ANKFN1: variants seen among roughly 807,000 people sequenced by gnomAD.
The protein encoded by ANKFN1 is ankyrin repeat and fibronectin type-III domain-containing protein 1.
A neutral mutation model predicts 108.7 loss-of-function variants in ANKFN1; 74 were observed. The ratio of observed to expected loss-of-function variants is 0.68; its 90% confidence interval spans 0.56 to 0.83. The LOEUF (loss-of-function observed/expected upper bound fraction) is 0.83. ANKFN1 is among the 40% of genes least tolerant of loss of function. The probability of loss-of-function intolerance (pLI) is 0.00; values close to 1 mark genes in which losing one functional copy is unlikely to be tolerated. For synonymous variants in ANKFN1, 547 were observed against 516.2 expected (o/e 1.06, Z -0.81); for missense variants, 1,505 against 1,382.3 (o/e 1.09, Z -1.41).
chr17:56,162,349 C>G (rs1555603138), intron 1 of ANKFN1, among the ~76,000 whole-genome samples: 1 of 152,186 alleles, frequency 6.6e-6, no homozygotes, highest in Non-Finnish European at 1.5e-5. Flanking sequence ...GCTGGAAGCC[C>G]AAGATCAAGG....
intron 4 of ANKFN1, among the ~76,000 whole-genome samples, chr17:56,345,600 T>C (rs2046077411): frequency 6.6e-6 from 1 of 152,238 alleles, no homozygotes; most frequent in Non-Finnish European, 1.5e-5. Context: ...TGGCATGAGA[T>C]GGTATGTCAT....
rs747550211 is a variant in ANKFN1 at position 56,482,489 on chromosome 17, G to A, written c.2225G>A (p.Gly742Glu). 1.9e-6 allele frequency: 3 copies of A among 1,612,496 alleles called. No homozygotes were observed. Among genetic ancestry groups the A allele is most frequent in the Non-Finnish European group, 2.5e-6 (3 of 1,179,242 alleles). Reference protein sequence around the residue: ...GQNNPYTPHSGFLNLPLQMFE... With the variant: ...GQNNPYTPHSEFLNLPLQMFE... ...AATAATCCTTACACCCCACACTCAG[G>A]GTTTCTTAACCTCCCTCTTCAGATG... The change falls in exon 18 of 21, where the codon GGG (glycine) becomes GAG (glutamate). Residue 742 changes from glycine to glutamate, a missense_variant. Coordinates refer to ENST00000682825, the MANE Select transcript of ANKFN1 (RefSeq NM_001370326.1).
At chr17:56,080,419 C>T (rs1905231726) in intron 4 of ANKFN1, among the ~76,000 whole-genome samples, 1 of 152,118 alleles carries the variant, frequency 6.6e-6, no homozygotes, top group African/African-American at 2.4e-5. Context: ...ATGGCTAATC[C>T]ACAAGATTCA....
chr17:56,096,475 C>A (rs899044019), intron 4 of ANKFN1, among the ~76,000 whole-genome samples: 40 of 152,062 alleles, frequency 2.6e-4, no homozygotes, highest in African/African-American at 9.4e-4. Context: ...TGCTTTTATG[C>A]AAAGGAACTC....
rs1011107671 is a variant in ANKFN1 at position 56,445,001 on chromosome 17, T to TAG, written c.1099+2068_1099+2069insAG. 4.8e-4 allele frequency among the ~76,000 whole-genome samples: 73 copies of TAG among 152,316 alleles called. 1 individual carries two copies. Among genetic ancestry groups the TAG allele is most frequent in the Non-Finnish European group, 2.8e-4 (19 of 68,028 alleles). On this transcript the variant is annotated intron_variant, in intron 10 of 20. Coordinates refer to ENST00000682825, the MANE Select transcript of ANKFN1 (RefSeq NM_001370326.1). ...CCACCGATGCCTGAGATCCCTAAGG[T>TAG]CCCTGACTCTCCTGGCATTTGATGA... is the stretch of plus-strand genomic sequence containing the variant.
chr17:56,390,211 T>C (rs1249569583), intron 8 of ANKFN1, among the ~76,000 whole-genome samples: 2 of 151,700 alleles, frequency 1.3e-5, no homozygotes, highest in Admixed American at 6.6e-5. Flanking sequence ...CCCCACCCCT[T>C]GACAGACCCC....
intron 3 of ANKFN1, among the ~76,000 whole-genome samples, chr17:56,278,536 G>A (rs549204586): frequency 3.5e-4 from 54 of 152,266 alleles, no homozygotes; most frequent in African/African-American, 1.3e-3. Flanking sequence ...AGTCCAAGCA[G>A]GACAGCTTTA....
At chr17:56,344,454 A>G (rs1404343820) in intron 4 of ANKFN1, among the ~76,000 whole-genome samples, 1 of 151,972 alleles carries the variant, frequency 6.6e-6, no homozygotes, top group African/African-American at 2.4e-5. Context: ...ATACCACCTT[A>G]GTCTTCACTT....
intron 8 of ANKFN1, among the ~76,000 whole-genome samples, chr17:56,433,621 A>G (rs1007804502): frequency 4.6e-5 from 7 of 152,166 alleles, no homozygotes; most frequent in Non-Finnish European, 1.0e-4. Context: ...AGTGGAAGCT[A>G]AAGCTATGAG....
At chr17:56,386,521 G>A (rs549857304) in intron 8 of ANKFN1, among the ~76,000 whole-genome samples, 50 of 148,228 alleles carry the variant, frequency 3.4e-4, no homozygotes, top group Non-Finnish European at 6.8e-4. Context: ...TTAATTGGCT[G>A]CTTTACTAAA....
chr17:56,126,848 T>G (rs551077113), intron 4 of ANKFN1, among the ~76,000 whole-genome samples: 1 of 152,324 alleles, frequency 6.6e-6, no homozygotes, highest in African/African-American at 2.4e-5. Context: ...CCACCCTCAT[T>G]ACTAGATATT....
chr17:56,176,566 G>T (rs1911178235), intron 1 of ANKFN1, among the ~76,000 whole-genome samples: 1 of 152,168 alleles, frequency 6.6e-6, no homozygotes, highest in Non-Finnish European at 1.5e-5. Flanking sequence ...TGGTCACTAT[G>T]TCAAAGTCTG....
chr17:56,281,387 T>G lies in ANKFN1; in HGVS notation c.54-44834T>G, dbSNP rs567196206. ...GAAAAAAAGAATCTCAACCCCTATC[T>G]CATACAAAAATTAATTTTATATGGA... On this transcript the variant is annotated intron_variant, in intron 3 of 20. Transcript: ENST00000682825. 4.6e-5 allele frequency among the ~76,000 whole-genome samples: 7 copies of G among 152,256 alleles called. 1 individual carries two copies. In the South Asian group the frequency reaches 8.3e-4, roughly 18 times the overall value.
intron 4 of ANKFN1, among the ~76,000 whole-genome samples, chr17:56,069,115 G>A (rs146520481): frequency 6.6e-6 from 1 of 152,302 alleles, no homozygotes; most frequent in Non-Finnish European, 1.5e-5. Context: ...GGAATTAGCA[G>A]TAATTTAGGC....
intron 8 of ANKFN1, among the ~76,000 whole-genome samples, chr17:56,438,786 G>A (rs1352192612): frequency 6.6e-6 from 1 of 152,106 alleles, no homozygotes; most frequent in African/African-American, 2.4e-5. Flanking sequence ...GCTGGACATA[G>A]AATCACAGTT....
intron 19 of ANKFN1, among the ~76,000 whole-genome samples, chr17:56,496,673 A>G (rs2051209555): frequency 6.6e-6 from 1 of 152,176 alleles, no homozygotes; most frequent in Non-Finnish European, 1.5e-5. Context: ...TGTTAGAATT[A>G]GGATCCACAG....
chr17:56,280,854 A>G (rs534398651), intron 3 of ANKFN1, among the ~76,000 whole-genome samples: 19 of 152,246 alleles, frequency 1.2e-4, no homozygotes, highest in African/African-American at 3.9e-4. Context: ...TTGAATTCCC[A>G]TATGTTGTGG....
rs188103362 is a variant in ANKFN1 at position 56,433,035 on chromosome 17, G to A, written c.911-7292G>A. Among the ~76,000 whole-genome samples the A allele has an allele frequency of 2.4e-3, 360 of 152,100 alleles. 1 individual carries two copies. The highest frequency in any genetic ancestry group is 7.4e-3 in the African/African-American group (307 of 41,496). On this transcript the variant is annotated intron_variant, in intron 8 of 20. Transcript: ENST00000682825. Reference sequence around the variant, plus strand: ...TGTGCATATAATTATATACATATGCGTATAATCACACAGACATATATATGC... The same window carrying A: ...TGTGCATATAATTATATACATATGCATATAATCACACAGACATATATATGC...
intron 16 of ANKFN1, among the ~76,000 whole-genome samples, chr17:56,478,192 T>G (rs986805370): frequency 6.6e-6 from 1 of 152,200 alleles, no homozygotes; most frequent in African/African-American, 2.4e-5. Flanking sequence ...CATGAGCCCA[T>G]TAAAGAGGAT....
Sources: allele counts gnomAD v4.1 joint callset (sites outside exome capture counted in the v4.1 genomes callset), GRCh38; gene constraint gnomAD v4.1.1; transcripts MANE v1.5; gene names NCBI Gene and HGNC (gene_info 2026-07-23, HGNC 2026-07-21).